AHCYL1: variants seen among roughly 807,000 people sequenced by gnomAD.
The protein encoded by AHCYL1 is adenosylhomocysteinase like 1.
AHCYL1 carries 20 observed loss-of-function variants against 79.3 expected under a neutral mutation model. The ratio of observed to expected loss-of-function variants is 0.25; its 90% CI spans 0.18 to 0.37. The LOEUF (loss-of-function observed/expected upper bound fraction) is 0.37. Ranked by LOEUF, AHCYL1 falls within the 10% of genes least tolerant of loss-of-function variation. The pLI, the probability that AHCYL1 is intolerant of heterozygous loss-of-function variation, is 1.00. For synonymous variants in AHCYL1, 223 were observed against 242.2 expected, an observed-to-expected ratio of 0.92 and a Z score of 0.74; for missense variants, 330 against 673.6, an observed-to-expected ratio of 0.49 and a Z score of 5.65.
rs1303578592 is a variant in AHCYL1, at chr1:109,985,160, G to C, written c.108G>C (p.Lys36Asn). 1.9e-6 allele frequency: 3 copies of C among 1,609,390 alleles called. No individual in the cohort carries two copies. Among genetic ancestry groups the C allele is most frequent in the Admixed American group, 3.4e-5 (2 of 59,690 alleles). The change falls in exon 1 of 17, where the codon AAG (lysine) becomes AAC (asparagine). Residue 36 changes from lysine to asparagine, a missense_variant. Physicochemically the swap from Lys to Asn is moderately conservative, Grantham distance 94 (BLOSUM62 0). Around this residue, in one of 6 missense-constraint regions of AHCYL1, gnomAD observed 66 missense variants for 68.0 expected, o/e 0.97. Coordinates refer to ENST00000369799, the MANE Select transcript of AHCYL1 (RefSeq NM_006621.7). ...EKYSFMATVT[K>N]APKKQIQFAD... ...ACTCCTTCATGGCCACCGTCACCAA[G>C]GCGCCCAAGAAGGTGCGGGGGCTCT...
chr1:109,986,054 C>A (rs139232871), intron 1 of AHCYL1, among the ~76,000 whole-genome samples: 8 of 152,348 alleles, frequency 5.3e-5, no homozygotes, highest in African/African-American at 1.9e-4. Flanking sequence ...GCTTTCTCAT[C>A]ATTTACTGCC....
At chr1:110,001,364 T>C (rs1650303785) in intron 1 of AHCYL1, among the ~76,000 whole-genome samples, 1 of 152,104 alleles carries the variant, frequency 6.6e-6, no homozygotes, top group South Asian at 2.1e-4. Flanking sequence ...TTTTTGTAAT[T>C]TTAGTAGAGA....
At chr1:110,017,207 G>A (rs752168758) in intron 9 of AHCYL1, among the ~76,000 whole-genome samples, 2 of 152,170 alleles carry the variant, frequency 1.3e-5, no homozygotes, top group Non-Finnish European at 2.9e-5. Context: ...GAAATTAGAG[G>A]TTGCTTAGAG....
intron 3 of AHCYL1, among the ~76,000 whole-genome samples, chr1:110,012,143 G>A (rs1309422845): frequency 6.6e-6 from 1 of 152,212 alleles, no homozygotes; most frequent in Non-Finnish European, 1.5e-5. Context: ...AGTCCTCTGT[G>A]TATAAAGCTG....
intron 4 of AHCYL1, 51 bp downstream of exon 4, chr1:110,012,513 T>A: frequency 6.9e-7 from 1 of 1,446,034 alleles, no homozygotes; most frequent in Non-Finnish European, 9.3e-7. Context: ...AAGAAAGAAA[T>A]CAATTTTTTT....
rs1315144232 is a variant in AHCYL1 at position 109,984,821 on chromosome 1, G to A, written c.-232G>A. On this transcript the variant is annotated 5_prime_UTR_variant, in exon 1 of 17. Coordinates refer to ENST00000369799, the MANE Select transcript of AHCYL1 (RefSeq NM_006621.7). The stretch of plus-strand genomic sequence containing the variant: ...TGGCGGCGCGGGCAGGTCGGAGCTC[G>A]GAGCTGCTGTTCTGGTTCTCTTGTG... The A allele has an allele frequency of 3.0e-6, 1 of 331,006 alleles. No homozygotes were observed. The highest frequency in any genetic ancestry group is 4.0e-6 in the Non-Finnish European group (1 of 247,716). The allele number at this position is 331,006 out of a possible 1,614,324, so 20.5% of individuals were successfully genotyped here. A position where few individuals can be genotyped will look rare whatever the true frequency, so the allele number is the denominator to read the frequency against.
rs570343784 is a variant in AHCYL1 at position 110,022,976 on chromosome 1, C to T, written c.*1296C>T. On this transcript the variant is annotated 3_prime_UTR_variant, in exon 17 of 17. Transcript: ENST00000369799. ...CTCTGAAAGAATATCCAGAGAGGCT[C>T]TCTCAAAGATCAGGGAGATGTATTC... 6.6e-6 allele frequency: 1 copy of T among 152,652 alleles called. No homozygotes were observed. The highest frequency in any genetic ancestry group is 1.5e-5 in the Non-Finnish European group (1 of 68,042). 9.5% of individuals were successfully genotyped at this position (152,652 alleles called of 1,614,324 possible). A position where few individuals can be genotyped will look rare whatever the true frequency, so the allele number is the denominator to read the frequency against.
intron 10 of AHCYL1, 135 bp downstream of exon 10, chr1:110,017,718 C>T (rs1651512327): frequency 9.5e-7 from 1 of 1,057,784 alleles, no homozygotes; most frequent in Non-Finnish European, 1.4e-6. Flanking sequence ...CTGTTCTTCT[C>T]ACTCTAACCC....
chr1:110,018,269 C>G, intron 11 of AHCYL1, 104 bp from the exon 12 acceptor site: 1 of 1,103,992 alleles, frequency 9.1e-7, no homozygotes, highest in South Asian at 1.4e-5. Context: ...TCTACATGTT[C>G]TTTAATGCCA....
chr1:110,018,369 T>A lies in AHCYL1; in HGVS notation c.1124-4T>A. ...TTTCCTTAACCACCCATCTTTTCTT[T>A]TAGGAAATAAGAATGTAGTGACACG... On this transcript the variant is annotated splice_polypyrimidine_tract_variant and splice_region_variant and intron_variant, in intron 11 of 16. Transcript: ENST00000369799. 3.1e-6 allele frequency: 5 copies of A among 1,613,920 alleles called. No homozygotes were observed. Among genetic ancestry groups the A allele is most frequent in the Non-Finnish European group, 3.4e-6 (4 of 1,179,880 alleles).
At position 110,018,661 on chromosome 1, in the gene AHCYL1, A is replaced by C. The variant is rs746637905; in HGVS notation, c.1317+11A>C. ...GTCCTCCTGGCAGAGGTACACACAG[A>C]GAAGGACCCTGGCAGAGCAGCACAA... is the stretch of plus-strand genomic sequence containing the variant. On this transcript the variant is annotated intron_variant, in intron 13 of 16. Coordinates refer to ENST00000369799, the MANE Select transcript of AHCYL1 (RefSeq NM_006621.7). 1.2e-6 allele frequency: 2 copies of C among 1,610,514 alleles called. No individual in the cohort carries two copies. Among genetic ancestry groups the C allele is most frequent in the Non-Finnish European group, 1.7e-6 (2 of 1,178,458 alleles).
At chr1:110,019,742 GTTGT>G (rs1330325552) in intron 15 of AHCYL1, 116 bp downstream of exon 15, 7 of 1,006,372 alleles carry the variant, frequency 7.0e-6, no homozygotes, top group South Asian at 1.6e-5. Context: ...GTGCTTACTG[GTTGT>G]TTGACCTCAG....
Position 110,018,000 on chromosome 1 carries a change from C to T in AHCYL1, c.1107C>T (p.Val369=), listed in dbSNP as rs758526247. 6.2e-6 allele frequency: 10 copies of T among 1,614,118 alleles called. No homozygotes were observed. The highest frequency in any genetic ancestry group is 4.4e-5 in the South Asian group (4 of 91,066). The change falls in exon 11 of 17, where the codon GTC becomes GTT. Residue 369 remains valine (V), a synonymous_variant. Transcript: ENST00000369799. ...ATGAAGTCATCCGGCAAGTCGATGT[C>T]GTAATAACTTGCACAGGTAAATAAC... ...KLNEVIRQVD[V]VITCTGNKNV... is the part of the protein sequence containing the mutation.
intron 1 of AHCYL1, chr1:110,000,957 A>C: frequency 5.1e-6 from 5 of 985,152 alleles, no homozygotes; most frequent in Non-Finnish European, 6.0e-6. Context: ...ATATAAATCT[A>C]GGCATTCAGG....
chr1:110,003,837 C>G, intron 1 of AHCYL1: 1 of 780,076 alleles, frequency 1.3e-6, no homozygotes, highest in African/African-American at 1.9e-5. Context: ...CTACTTACTG[C>G]CTTTTTTCTA....
chr1:110,000,316 T>A (rs1011119395), intron 1 of AHCYL1, among the ~76,000 whole-genome samples: 10 of 152,188 alleles, frequency 6.6e-5, no homozygotes, highest in African/African-American at 2.4e-4. Flanking sequence ...GTAGTCTAGA[T>A]TAGATTGCCC....
intron 11 of AHCYL1, 113 bp from the exon 12 acceptor site, chr1:110,018,260 C>G: frequency 9.7e-7 from 1 of 1,025,648 alleles, no homozygotes; most frequent in Non-Finnish European, 1.5e-6. Flanking sequence ...CTCAGAATGT[C>G]TACATGTTCT....
chr1:109,985,472 G>A, intron 1 of AHCYL1: 1 of 1,106,008 alleles, frequency 9.0e-7, no homozygotes, highest in Non-Finnish European at 1.1e-6. Context: ...GAGAGTGGGA[G>A]GGGGTGAACC....
intron 1 of AHCYL1, among the ~76,000 whole-genome samples, chr1:109,985,713 A>G (rs1649431926): frequency 6.6e-6 from 1 of 152,242 alleles, no homozygotes; most frequent in African/African-American, 2.4e-5. Context: ...TATGATTTTC[A>G]CTTTCTACAG....
Sources: allele counts gnomAD v4.1 joint callset (sites outside exome capture counted in the v4.1 genomes callset), GRCh38; gene constraint gnomAD v4.1.1; regional missense constraint gnomAD v4.1.1; transcripts MANE v1.5; gene names NCBI Gene and HGNC (gene_info 2026-07-23, HGNC 2026-07-21).